The following RXRB variants were observed in gnomAD, a reference collection of about 807,000 sequenced individuals.
The protein encoded by RXRB is retinoic acid receptor RXR-beta.
Under a neutral mutation model 52.5 loss-of-function variants are expected in RXRB, and 18 were observed. The observed-to-expected ratio is 0.34, with a 90% confidence interval of 0.24 to 0.51. The LOEUF is 0.51. Ranked by LOEUF, RXRB falls within the 20% of genes least tolerant of loss-of-function variation. The probability of loss-of-function intolerance (pLI) is 0.97; values close to 1 mark genes in which losing one functional copy is unlikely to be tolerated. For synonymous variants in RXRB, 233 were observed against 267.1 expected (o/e 0.87, Z 1.25); for missense variants, 455 against 698.2 (o/e 0.65, Z 3.92).
At chr6:33,199,480 T>C (rs1393647089) in intron 1 of RXRB, 64 bp from the exon 2 acceptor site, 2 of 1,214,650 alleles carry the variant, frequency 1.6e-6, no homozygotes, top group Non-Finnish European at 2.1e-6. Context: ...AAAAAGAAAA[T>C]GAGTCTTCAA....
At position 33,196,453 on chromosome 6, in the gene RXRB, G is replaced by A. The variant is rs574715998; in HGVS notation, c.974C>T (p.Thr325Ile). 10 of 1,612,958 alleles carry A rather than the reference G, an allele frequency of 6.2e-6. No homozygotes were observed. In the South Asian group the frequency reaches 7.7e-5, roughly 12 times the overall value. The stretch of plus-strand genomic sequence containing the variant: ...ACTCACGCTGCTGCCGCTACCCCCG[G>A]TTCCCCCAGGACCCTCAACGCCCTG... ...SDQGVEGPGG[T>I]GGSGSSPNDP... is the part of the protein sequence containing the mutation. Residue 325 changes from threonine to isoleucine, a missense_variant, in exon 5 of 10, where the codon ACC becomes ATC. This residue lies in a region of RXRB where 100 missense variants were observed against 141.9 expected (regional missense o/e 0.70). Transcript: ENST00000374680. The surrounding 1 kb of genome is among the most constrained non-coding windows in gnomAD (Gnocchi z 4.0).
At position 33,195,214 on chromosome 6, in the gene RXRB, CGTGGAT is replaced by C; in HGVS notation, c.1348+143_1348+148del. On this transcript the variant is annotated intron_variant, in intron 8 of 9. Coordinates refer to ENST00000374680, the MANE Select transcript of RXRB (RefSeq NM_021976.5). The surrounding 1 kb of genome is among the most constrained non-coding windows in gnomAD (Gnocchi z 8.6). ...GCCCACTGGGTTTGTGGGATGGATC[CGTGGAT>C]GTGGGTTTTTCCTCGGCCAGTTGGG... 1.3e-6 allele frequency: 1 copy of C among 761,864 alleles called. No homozygotes were observed. The highest frequency in any genetic ancestry group is 2.2e-6 in the Non-Finnish European group (1 of 444,486). 47.2% of individuals were successfully genotyped at this position (761,864 alleles called of 1,614,324 possible). A position where few individuals can be genotyped will look rare whatever the true frequency, so the allele number is the denominator to read the frequency against.
In RXRB at chr6:33,199,395, G is replaced by A; in HGVS notation, c.257C>T (p.Ser86Phe). The change falls in exon 2 of 10, where the codon TCC becomes TTC. Residue 86 changes from serine (S) to phenylalanine (F), a missense_variant. By Grantham distance (155) the Ser-to-Phe change is radical. This residue lies in a region of RXRB where 225 missense variants were observed against 258.6 expected (regional missense o/e 0.87). Coordinates refer to ENST00000374680, the MANE Select transcript of RXRB (RefSeq NM_021976.5). ...TCCCTGGGGAAGGGGATTTGGGGAG[G>A]AGCTGTCTGGGCTTCGGGAGTCTGA... is the stretch of plus-strand genomic sequence containing the variant. ...SGRDSRSPDS[S>F]SPNPLPQGVP... The A allele has an allele frequency of 1.6e-6, 2 of 1,252,564 alleles. No individual in the cohort carries two copies. Among genetic ancestry groups the A allele is most frequent in the Non-Finnish European group, 2.0e-6 (2 of 990,236 alleles). 77.6% of individuals were successfully genotyped at this position (1,252,564 alleles called of 1,614,324 possible).
In RXRB at chr6:33,200,555, G is replaced by A; in HGVS notation, c.-79C>T. ...TGATCGGAGGATTAGCTGAGCACGA[G>A]GAAGCCCCTGAGAGAAAGACTCTGG... On this transcript the variant is annotated 5_prime_UTR_variant, in exon 1 of 10. Coordinates refer to ENST00000374680, the MANE Select transcript of RXRB (RefSeq NM_021976.5). The surrounding 1 kb of genome is among the most constrained non-coding windows in gnomAD (Gnocchi z 6.3). The A allele has an allele frequency of 6.7e-7, 1 of 1,501,336 alleles. No homozygotes were observed. Among genetic ancestry groups the A allele is most frequent in the South Asian group, 1.3e-5 (1 of 77,706 alleles). 93.0% of individuals were successfully genotyped at this position (1,501,336 alleles called of 1,614,324 possible).
Position 33,194,979 on chromosome 6 carries a change from A to G in RXRB, c.1420T>C (p.Tyr474His). 6.2e-7 allele frequency: 1 copy of G among 1,612,898 alleles called. No individual in the cohort carries two copies. Among genetic ancestry groups the G allele is most frequent in the Non-Finnish European group, 8.5e-7 (1 of 1,180,002 alleles). Residue 474 changes from tyrosine to histidine, a missense_variant, in exon 9 of 10, where the codon TAC (tyrosine) becomes CAC (histidine). Coordinates refer to ENST00000374680, the MANE Select transcript of RXRB (RefSeq NM_021976.5). The surrounding 1 kb of genome is among the most constrained non-coding windows in gnomAD (Gnocchi z 4.1). The stretch of plus-strand genomic sequence containing the variant: ...TGCTCAGGGTACTTCTGTTTGCAGT[A>G]GGTCTCCAGTGATGCATACACTTTC... ...REKVYASLET[Y>H]CKQKYPEQQG... is the part of the protein sequence containing the mutation.
chr6:33,193,812 C>T lies in RXRB; in HGVS notation c.*870G>A, dbSNP rs1324271594. ...AAGGGAAGGCCTCCGGGACTACACT[C>T]GTGAAACCATCCCCTGTGGGGGCCC... is the stretch of plus-strand genomic sequence containing the variant. On this transcript the variant is annotated 3_prime_UTR_variant, in exon 10 of 10. Transcript: ENST00000374680. 1 of 152,230 alleles carries T rather than the reference C, an allele frequency of 6.6e-6. No homozygotes were observed. The highest frequency in any genetic ancestry group is 1.5e-5 in the Non-Finnish European group (1 of 68,084). 9.4% of individuals were successfully genotyped at this position (152,230 alleles called of 1,614,324 possible). A position where few individuals can be genotyped will look rare whatever the true frequency, so the allele number is the denominator to read the frequency against.
chr6:33,199,040 C>T (rs1257132593), intron 2 of RXRB, 129 bp downstream of exon 2: 1 of 590,112 alleles, frequency 1.7e-6, no homozygotes, highest in Non-Finnish European at 2.6e-6. Flanking sequence ...TCATAAAGAC[C>T]ACAGGCCTGA....
rs1774442882 is a variant in RXRB at position 33,200,640 on chromosome 6, G to A, written c.-164C>T. 13 of 1,517,650 alleles carry A rather than the reference G, an allele frequency of 8.6e-6. No homozygotes were observed. The highest frequency in any genetic ancestry group is 2.1e-4 in the Middle Eastern group (1 of 4,804). The allele number at this position is 1,517,650 out of a possible 1,614,324, so 94.0% of individuals were successfully genotyped here. A position where few individuals can be genotyped will look rare whatever the true frequency, so the allele number is the denominator to read the frequency against. On this transcript the variant is annotated 5_prime_UTR_variant, in exon 1 of 10. Transcript: ENST00000374680. This position sits in a 1 kb window ranked among gnomAD's most constrained non-coding sequence, Gnocchi z 6.3. Reference sequence around the variant, plus strand: ...TCAGTACCAAAATGACAGCGCCAATGTGGCAGCCATCTTTGTACAGACGGG... The same window carrying A: ...TCAGTACCAAAATGACAGCGCCAATATGGCAGCCATCTTTGTACAGACGGG...
In RXRB at chr6:33,195,513, C is replaced by T. The variant is rs1773827121; in HGVS notation, c.1256+57G>A. On this transcript the variant is annotated intron_variant, in intron 7 of 9. Coordinates refer to ENST00000374680, the MANE Select transcript of RXRB (RefSeq NM_021976.5). This position sits in a 1 kb window ranked among gnomAD's most constrained non-coding sequence, Gnocchi z 8.6. ...CAGCTCAGCCAGCCTTGGACACGGA[C>T]CAGCCTATAGCCCCACCCCCTCTAT... is the stretch of plus-strand genomic sequence containing the variant. The T allele has an allele frequency of 6.2e-7, 1 of 1,612,922 alleles. No homozygotes were observed. Among genetic ancestry groups the T allele is most frequent in the Non-Finnish European group, 8.5e-7 (1 of 1,179,908 alleles).
chr6:33,194,861 G>C lies in RXRB; in HGVS notation c.1455-32C>G. On this transcript the variant is annotated intron_variant, in intron 9 of 9. Coordinates refer to ENST00000374680, the MANE Select transcript of RXRB (RefSeq NM_021976.5). The surrounding 1 kb of genome is among the most constrained non-coding windows in gnomAD (Gnocchi z 4.1). ...TGGAGGTGGGAGAAGGGGATTGAGA[G>C]CTGGAAGCACACGGGCCCTGAACAC... The C allele has an allele frequency of 1.2e-6, 2 of 1,612,428 alleles. No homozygotes were observed. Among genetic ancestry groups the C allele is most frequent in the African/African-American group, 2.7e-5 (2 of 75,034 alleles).
At chr6:33,199,122 C>T in intron 2 of RXRB, 47 bp downstream of exon 2, 2 of 1,271,152 alleles carry the variant, frequency 1.6e-6, no homozygotes, top group South Asian at 3.7e-5. Flanking sequence ...ACAAGGAAAA[C>T]AAGAAAATGA....
rs1773848739 is a variant in RXRB at position 33,195,769 on chromosome 6, GAGA to G, written c.1124-70_1124-68del. The G allele has an allele frequency of 1.2e-6, 2 of 1,601,498 alleles. No individual in the cohort carries two copies. Among genetic ancestry groups the G allele is most frequent in the East Asian group, 2.2e-5 (1 of 44,750 alleles). On this transcript the variant is annotated intron_variant, in intron 6 of 9. Coordinates refer to ENST00000374680, the MANE Select transcript of RXRB (RefSeq NM_021976.5). The surrounding 1 kb of genome is among the most constrained non-coding windows in gnomAD (Gnocchi z 8.6). ...AGGGATTCAAAGCACATCAGTGGAAGAGAAGGAGAAAAGAGGTGGCGAGGTCAG... is the reference window on the plus strand; with the variant it reads ...AGGGATTCAAAGCACATCAGTGGAAGAGGAGAAAAGAGGTGGCGAGGTCAG...
chr6:33,199,920 G>C (rs779092840), intron 1 of RXRB: 3 of 703,224 alleles, frequency 4.3e-6, no homozygotes. Context: ...AAGGGAAAGA[G>C]ACAGGCAGGA....
At position 33,194,462 on chromosome 6, in the gene RXRB, G is replaced by A; in HGVS notation, c.*220C>T. 1 of 520,768 alleles carries A rather than the reference G, an allele frequency of 1.9e-6. No homozygotes were observed. The highest frequency in any genetic ancestry group is 3.1e-5 in the East Asian group (1 of 32,478). 32.3% of individuals were successfully genotyped at this position (520,768 alleles called of 1,614,324 possible). ...AACCCGACAAATTCAGAGACTCAAG[G>A]CCACCGAAGAGAGACAACCAGTCCT... On this transcript the variant is annotated 3_prime_UTR_variant, in exon 10 of 10. Transcript: ENST00000374680. The surrounding 1 kb of genome is among the most constrained non-coding windows in gnomAD (Gnocchi z 4.1).
Position 33,194,877 on chromosome 6 carries a change from C to A in RXRB, c.1455-48G>T. On this transcript the variant is annotated intron_variant, in intron 9 of 9. Coordinates refer to ENST00000374680, the MANE Select transcript of RXRB (RefSeq NM_021976.5). The surrounding 1 kb of genome is among the most constrained non-coding windows in gnomAD (Gnocchi z 4.1). ...GGATTGAGAGCTGGAAGCACACGGG[C>A]CCTGAACACATCCTCATAGCACTCC... The A allele has an allele frequency of 6.2e-7, 1 of 1,611,922 alleles. No individual in the cohort carries two copies. The highest frequency in any genetic ancestry group is 8.5e-7 in the Non-Finnish European group (1 of 1,179,368).
upstream of RXRB, chr6:33,200,681 T>C (rs1457045790): frequency 1.3e-6 from 2 of 1,541,162 alleles, no homozygotes; most frequent in Non-Finnish European, 1.7e-6. This position sits in a 1 kb window ranked among gnomAD's most constrained non-coding sequence, Gnocchi z 6.3. Context: ...TCGGCGCGAG[T>C]TCCCGCCCCC....
At position 33,196,083 on chromosome 6, in the gene RXRB, G is replaced by T; in HGVS notation, c.994-47C>A. The T allele has an allele frequency of 6.2e-7, 1 of 1,610,252 alleles. No individual in the cohort carries two copies. Among genetic ancestry groups the T allele is most frequent in the East Asian group, 2.2e-5 (1 of 44,806 alleles). On this transcript the variant is annotated intron_variant, in intron 5 of 9. Transcript: ENST00000374680. The surrounding 1 kb of genome is among the most constrained non-coding windows in gnomAD (Gnocchi z 4.0). ...GTTATGGAAGATTTTGAGATATGCT[G>T]GGAGCCCCCTTGTAAGAGGCTTTTG...
At position 33,196,143 on chromosome 6, in the gene RXRB, C is replaced by T. The variant is rs1773877712; in HGVS notation, c.994-107G>A. 7.3e-7 allele frequency: 1 copy of T among 1,371,826 alleles called. No individual in the cohort carries two copies. Among genetic ancestry groups the T allele is most frequent in the Non-Finnish European group, 1.0e-6 (1 of 978,824 alleles). The allele number at this position is 1,371,826 out of a possible 1,614,324, so 85.0% of individuals were successfully genotyped here. On this transcript the variant is annotated intron_variant, in intron 5 of 9. Transcript: ENST00000374680. This position sits in a 1 kb window ranked among gnomAD's most constrained non-coding sequence, Gnocchi z 4.0. Reference sequence around the variant, plus strand: ...CCTTACATATAGTCTTCCTGTGAGCCCCATCCAAACCAATCCCTGTAAGTG... The same window carrying T: ...CCTTACATATAGTCTTCCTGTGAGCTCCATCCAAACCAATCCCTGTAAGTG...
In RXRB at chr6:33,200,251, T is replaced by A; in HGVS notation, c.226A>T (p.Ser76Cys). Residue 76 changes from serine (S) to cysteine (C), a missense_variant, in exon 1 of 10, where the codon AGC becomes TGC. Physicochemically the swap from Ser to Cys is moderately radical, Grantham distance 112. Transcript: ENST00000374680. This position sits in a 1 kb window ranked among gnomAD's most constrained non-coding sequence, Gnocchi z 6.3. ...GEAGRDGMGD[S>C]GRDSRSPDSS... ...CTGCTGGGGCACTCACCCCGCCCGC[T>A]GTCGCCCATCCCGTCCCGTCCAGCC... The A allele has an allele frequency of 6.2e-7, 1 of 1,606,562 alleles. No homozygotes were observed. Among genetic ancestry groups the A allele is most frequent in the Non-Finnish European group, 8.5e-7 (1 of 1,178,092 alleles).
Sources: gnomAD v4.1 joint callset for allele counts on GRCh38, gnomAD v4.1.1 for gene constraint, gnomAD v4.1.1 regional missense constraint, Gnocchi (gnomAD v3.1) non-coding constraint, MANE v1.5 for transcripts, NCBI Gene and HGNC (gene_info 2026-07-23, HGNC 2026-07-21) for gene names.